PTPRD: variants seen among roughly 807,000 people sequenced by gnomAD.
PTPRD encodes protein tyrosine phosphatase receptor type D.
In PTPRD, 34 loss-of-function variants were observed where a neutral mutation model predicts 214.5. That is an observed-to-expected ratio of 0.16 (90% CI 0.12 to 0.21). The LOEUF (loss-of-function observed/expected upper bound fraction) is 0.21, where lower values mean the gene tolerates loss of function less well. PTPRD is among the 10% of genes least tolerant of loss of function. PTPRD has a pLI of 1.00. For missense variants in PTPRD, 2,545 were observed against 2,398.7 expected (o/e 1.06, Z -1.27); for synonymous variants, 1,128 against 845.7 (o/e 1.33, Z -5.79).
chr9:10,230,424 CTATG>C (rs1390282659), intron 3 of PTPRD, among the ~76,000 whole-genome samples: 3 of 128,770 alleles, frequency 2.3e-5, no homozygotes, highest in African/African-American at 8.8e-5. Context: ...ATCTATGTAT[CTATG>C]TATCTATGTA....
At chr9:8,392,564 A>G (rs1054346646) in intron 36 of PTPRD, among the ~76,000 whole-genome samples, 2 of 152,138 alleles carry the variant, frequency 1.3e-5, no homozygotes, top group Non-Finnish European at 2.9e-5. Context: ...AAAAATACGT[A>G]ATTGAAAACA....
intron 5 of PTPRD, among the ~76,000 whole-genome samples, chr9:9,915,645 A>C (rs2080528381): frequency 6.6e-6 from 1 of 151,916 alleles, no homozygotes; most frequent in African/African-American, 2.4e-5. Flanking sequence ...AGAAGAAACA[A>C]ATTTCTGACC....
At chr9:10,446,130 C>T (rs2098797312) in intron 2 of PTPRD, among the ~76,000 whole-genome samples, 1 of 151,938 alleles carries the variant, frequency 6.6e-6, no homozygotes, top group South Asian at 2.1e-4. Context: ...CTCCACCCCA[C>T]CCCCTTTGAA....
intron 8 of PTPRD, among the ~76,000 whole-genome samples, chr9:9,565,298 T>C (rs181336047): frequency 3.6e-4 from 54 of 152,020 alleles, no homozygotes; most frequent in Admixed American, 1.4e-3. Context: ...TGAAAAAATA[T>C]GCGGTTTTTA....
intron 10 of PTPRD, among the ~76,000 whole-genome samples, chr9:9,074,675 C>G (rs1254383224): frequency 6.6e-6 from 1 of 151,830 alleles, no homozygotes; most frequent in Non-Finnish European, 1.5e-5. Context: ...TGAGAAATGT[C>G]TATTCAGAGC....
At chr9:9,268,890 A>C (rs1336541258) in intron 9 of PTPRD, among the ~76,000 whole-genome samples, 2 of 151,006 alleles carry the variant, frequency 1.3e-5, no homozygotes, top group Non-Finnish European at 3.0e-5. Flanking sequence ...CATAATACCT[A>C]AAGCCATAGA....
At chr9:10,245,005 T>C (rs1292885500) in intron 3 of PTPRD, among the ~76,000 whole-genome samples, 3 of 152,162 alleles carry the variant, frequency 2.0e-5, no homozygotes, top group Admixed American at 6.6e-5. Context: ...AATGAAACAA[T>C]AATGAAAGCA....
intron 2 of PTPRD, among the ~76,000 whole-genome samples, chr9:10,490,417 A>G (rs1185254149): frequency 1.3e-5 from 2 of 152,184 alleles, no homozygotes; most frequent in Admixed American, 1.3e-4. Context: ...CCATCATCCT[A>G]ATAGAAGGTC....
intron 5 of PTPRD, among the ~76,000 whole-genome samples, chr9:9,918,370 A>AAAC (rs1555333235): frequency 4.2e-5 from 6 of 142,642 alleles, no homozygotes; most frequent in South Asian, 2.3e-4. Context: ...AAAAAAAAAA[A>AAAC]CTCCACAATG....
At chr9:10,475,781 C>T (rs1455929447) in intron 2 of PTPRD, among the ~76,000 whole-genome samples, 3 of 151,984 alleles carry the variant, frequency 2.0e-5, no homozygotes, top group South Asian at 2.1e-4. Context: ...TTATCTACCA[C>T]GATCAAGTCG....
chr9:9,863,298 C>A (rs1246727598), intron 5 of PTPRD, among the ~76,000 whole-genome samples: 2 of 152,048 alleles, frequency 1.3e-5, no homozygotes, highest in South Asian at 2.1e-4. Context: ...GAGATACATT[C>A]TAAAAAATTT....
chr9:10,042,809 T>A (rs984857743), intron 3 of PTPRD, among the ~76,000 whole-genome samples: 1 of 151,906 alleles, frequency 6.6e-6, no homozygotes, highest in African/African-American at 2.4e-5. Context: ...CAAGTAATTA[T>A]CCAGAATTTT....
At chr9:9,392,966 A>G (rs1003351053) in intron 9 of PTPRD, among the ~76,000 whole-genome samples, 2 of 152,150 alleles carry the variant, frequency 1.3e-5, no homozygotes, top group African/African-American at 4.8e-5. Flanking sequence ...AGCCATGGAA[A>G]TTCCTGTCAT....
intron 43 of PTPRD, among the ~76,000 whole-genome samples, chr9:8,333,059 C>G (rs1175323902): frequency 6.6e-6 from 1 of 152,152 alleles, no homozygotes; most frequent in East Asian, 1.9e-4. Context: ...GTGGTTTTCA[C>G]AGGGACATGC....
At chr9:9,204,814 G>A (rs531191368) in intron 9 of PTPRD, among the ~76,000 whole-genome samples, 1 of 152,082 alleles carries the variant, frequency 6.6e-6, no homozygotes, top group East Asian at 1.9e-4. Flanking sequence ...ATGACCAAAA[G>A]AAACCTATCA....
intron 9 of PTPRD, among the ~76,000 whole-genome samples, chr9:9,364,912 A>C (rs966301147): frequency 1.3e-5 from 2 of 151,406 alleles, no homozygotes; most frequent in African/African-American, 4.8e-5. Context: ...GCAAAACCTA[A>C]TGGTGGCTTA....
At chr9:8,387,582 T>C (rs1028104480) in intron 37 of PTPRD, among the ~76,000 whole-genome samples, 1 of 152,192 alleles carries the variant, frequency 6.6e-6, no homozygotes, top group Admixed American at 6.5e-5. Flanking sequence ...CGTAATATAA[T>C]AGTTCAGCTG....
chr9:8,354,943 T>TA (rs1393829413), intron 39 of PTPRD, among the ~76,000 whole-genome samples: 2 of 152,176 alleles, frequency 1.3e-5, no homozygotes, highest in Admixed American at 1.3e-4. Context: ...TACTGAAAAA[T>TA]AAATGAATTA....
intron 3 of PTPRD, among the ~76,000 whole-genome samples, chr9:10,280,342 TA>T (rs1211135887): frequency 7.0e-6 from 1 of 143,486 alleles, no homozygotes; most frequent in Non-Finnish European, 1.5e-5. Context: ...AGGAGAAAAA[TA>T]TTTAAATACA....
Sources: allele counts gnomAD v4.1 joint callset (sites outside exome capture counted in the v4.1 genomes callset), GRCh38; gene constraint gnomAD v4.1.1; transcripts MANE v1.5; gene names NCBI Gene and HGNC (gene_info 2026-07-23, HGNC 2026-07-21).